The following TMCC2 variants were observed in gnomAD, a reference collection of about 807,000 sequenced individuals.
TMCC2 encodes the protein transmembrane and coiled-coil domains protein 2.
Under a neutral mutation model 49.4 loss-of-function variants are expected in TMCC2, and 16 were observed. The ratio of observed to expected loss-of-function variants is 0.32; its 90% confidence interval spans 0.22 to 0.49. TMCC2 has a LOEUF of 0.49. Ranked by LOEUF, TMCC2 falls within the 20% of genes least tolerant of loss-of-function variation. The pLI, the probability that TMCC2 is intolerant of heterozygous loss-of-function variation, is 0.99. For missense variants in TMCC2, 762 were observed against 989.8 expected, an observed-to-expected ratio of 0.77 and a Z score of 3.09; for synonymous variants, 397 against 434.1, an observed-to-expected ratio of 0.91 and a Z score of 1.06.
In TMCC2 at chr1:205,264,038, G is replaced by T. The variant is rs1378454014; in HGVS notation, c.748-4912G>T. ...TGGAAATAATAGTGCTACCCATCTTGTGAGGTTAATACTGGGATTAAATGA... is the reference window on the plus strand; with the variant it reads ...TGGAAATAATAGTGCTACCCATCTTTTGAGGTTAATACTGGGATTAAATGA... On this transcript the variant is annotated intron_variant, in intron 2 of 4. Transcript: ENST00000358024. The surrounding 1 kb of genome is among the most constrained non-coding windows in gnomAD (Gnocchi z 4.2). 6.6e-6 allele frequency among the ~76,000 whole-genome samples: 1 copy of T among 152,230 alleles called. No homozygotes were observed. The highest frequency in any genetic ancestry group is 1.5e-5 in the Non-Finnish European group (1 of 68,050).
At chr1:205,252,464 G>C (rs939388984) in intron 2 of TMCC2, among the ~76,000 whole-genome samples, 3 of 152,154 alleles carry the variant, frequency 2.0e-5, no homozygotes, top group African/African-American at 7.2e-5. Flanking sequence ...CCTTCCTCTC[G>C]CATTTCCCTG....
intron 2 of TMCC2, among the ~76,000 whole-genome samples, chr1:205,251,643 T>G (rs772730909): frequency 2.0e-5 from 3 of 152,226 alleles, no homozygotes; most frequent in Non-Finnish European, 4.4e-5. Flanking sequence ...GTATAAGGTT[T>G]CTTCATTGCC....
chr1:205,253,093 C>T (rs1185693406), intron 2 of TMCC2, among the ~76,000 whole-genome samples: 1 of 151,976 alleles, frequency 6.6e-6, no homozygotes, highest in Non-Finnish European at 1.5e-5. Context: ...CATGATCACA[C>T]CACTGCACTC....
At chr1:205,254,982 C>T (rs950901302) in intron 2 of TMCC2, among the ~76,000 whole-genome samples, 4 of 152,102 alleles carry the variant, frequency 2.6e-5, no homozygotes, top group Non-Finnish European at 5.9e-5. Context: ...GAGGCCAAGG[C>T]AGGTGGATCG....
intron 1 of TMCC2, among the ~76,000 whole-genome samples, chr1:205,234,490 T>C (rs576124749): frequency 6.6e-6 from 1 of 152,082 alleles, no homozygotes; most frequent in African/African-American, 2.4e-5. Flanking sequence ...AATGGGAAAT[T>C]AGTTATTTGG....
intron 2 of TMCC2, among the ~76,000 whole-genome samples, chr1:205,245,525 A>T (rs1260171256): frequency 6.6e-6 from 1 of 152,228 alleles, no homozygotes; most frequent in African/African-American, 2.4e-5. Context: ...ACCTTAGATG[A>T]TCACCAGAGC....
chr1:205,259,003 T>C (rs1041028968), intron 2 of TMCC2, among the ~76,000 whole-genome samples: 6 of 152,156 alleles, frequency 3.9e-5, no homozygotes, highest in Non-Finnish European at 4.4e-5. Flanking sequence ...GGGGCCGCAC[T>C]CGCCTGCTGG....
chr1:205,228,578 G>A lies in TMCC2; in HGVS notation c.14G>A (p.Arg5Lys), dbSNP rs1553370438. 1.8e-5 allele frequency: 29 copies of A among 1,610,558 alleles called. No homozygotes were observed. The East Asian group carries it at 6.5e-4, about 36-fold the overall frequency. MKRC[R>K]SDELQQQQGE... ...CCCACATACACCATGAAGAGGTGCAGATCGGACGAGCTGCAGCAACAACAG... is the reference window on the plus strand; with the variant it reads ...CCCACATACACCATGAAGAGGTGCAAATCGGACGAGCTGCAGCAACAACAG... Residue 5 changes from arginine (R) to lysine (K), a missense_variant, in exon 1 of 5, where the codon AGA (arginine) becomes AAA (lysine). By Grantham distance (26) the Arg-to-Lys change is conservative. This residue lies in a region of TMCC2 where 322 missense variants were observed against 353.1 expected (regional missense o/e 0.91). Coordinates refer to ENST00000358024, the MANE Select transcript of TMCC2 (RefSeq NM_014858.4).
At chr1:205,268,913 G>A (rs1272629671) in intron 2 of TMCC2, 37 bp from the exon 3 acceptor site, 5 of 1,601,724 alleles carry the variant, frequency 3.1e-6, no homozygotes, top group South Asian at 1.1e-5. Context: ...TGGTCCCAGG[G>A]TTTACCCATG....
At position 205,271,828 on chromosome 1, in the gene TMCC2, T is replaced by A. The variant is rs1436854664; in HGVS notation, c.1834T>A (p.Cys612Ser). 1 of 1,611,720 alleles carries A rather than the reference T, an allele frequency of 6.2e-7. No homozygotes were observed. The highest frequency in any genetic ancestry group is 8.5e-7 in the Non-Finnish European group (1 of 1,179,928). The change falls in exon 5 of 5, where the codon TGC becomes AGC. Residue 612 changes from cysteine (C) to serine (S), a missense_variant. By Grantham distance (112) the Cys-to-Ser change is moderately radical (BLOSUM62 -1). Coordinates refer to ENST00000358024, the MANE Select transcript of TMCC2 (RefSeq NM_014858.4). ...GCCCCTGCAGGAGGCCGTGGAGTCC[T>A]GCCTGACCCGGGTCACCAAGCTGGA... ...ARDIQEAVES[C>S]LTRVTKLELQ...
intron 2 of TMCC2, among the ~76,000 whole-genome samples, chr1:205,246,235 A>C (rs2102555357): frequency 6.8e-6 from 1 of 146,830 alleles, no homozygotes; most frequent in South Asian, 2.2e-4. Context: ...GCCAGAAAGA[A>C]GAAATGGTCA....
chr1:205,262,588 T>C (rs919303431), intron 2 of TMCC2, among the ~76,000 whole-genome samples: 4 of 152,074 alleles, frequency 2.6e-5, no homozygotes, highest in Non-Finnish European at 4.4e-5. Context: ...ACATGCAGGG[T>C]GTTTCCCTTG....
chr1:205,251,259 G>A (rs1022599635), intron 2 of TMCC2, among the ~76,000 whole-genome samples: 4 of 152,160 alleles, frequency 2.6e-5, no homozygotes, highest in African/African-American at 4.8e-5. Flanking sequence ...CATTTCTGGG[G>A]ACAGCCTTTT....
At chr1:205,251,129 G>A (rs1260540436) in intron 2 of TMCC2, among the ~76,000 whole-genome samples, 4 of 152,178 alleles carry the variant, frequency 2.6e-5, no homozygotes, top group Non-Finnish European at 4.4e-5. Context: ...AGAGCAGAGG[G>A]CGCTGAAATA....
intron 2 of TMCC2, among the ~76,000 whole-genome samples, chr1:205,252,941 T>C (rs1005064060): frequency 6.6e-6 from 1 of 151,364 alleles, no homozygotes; most frequent in Non-Finnish European, 1.5e-5. Flanking sequence ...GGCAACATAG[T>C]GAGACCTTGT....
intron 1 of TMCC2, among the ~76,000 whole-genome samples, chr1:205,231,757 C>T (rs916673510): frequency 6.9e-6 from 1 of 144,804 alleles, no homozygotes; most frequent in Admixed American, 7.2e-5. Context: ...TTTTAATGCT[C>T]CCCTACCTCA....
At chr1:205,265,553 AT>A (rs1661287233) in intron 2 of TMCC2, among the ~76,000 whole-genome samples, 1 of 141,938 alleles carries the variant, frequency 7.0e-6, no homozygotes, top group South Asian at 2.2e-4. Flanking sequence ...CTCAGAACCC[AT>A]TTTCTTTTCT....
rs781646542 is a variant in TMCC2 at position 205,271,245 on chromosome 1, G to A, written c.1808G>A (p.Arg603Gln). The A allele has an allele frequency of 3.1e-6, 5 of 1,614,016 alleles. No individual in the cohort carries two copies. The highest frequency in any genetic ancestry group is 1.3e-5 in the African/African-American group (1 of 74,948). Reference sequence around the variant, plus strand: ...GCCTACCAGTCCTATGAGAGGGCACGGGACATCCAGGTATGGCCAGGGCAA... The same window carrying A: ...GCCTACCAGTCCTATGAGAGGGCACAGGACATCCAGGTATGGCCAGGGCAA... Reference protein sequence around the residue: ...KVAYQSYERARDIQEAVESCL... With the variant: ...KVAYQSYERAQDIQEAVESCL... The change falls in exon 4 of 5, where the codon CGG becomes CAG. Residue 603 changes from arginine (R) to glutamine (Q), a missense_variant. Coordinates refer to ENST00000358024, the MANE Select transcript of TMCC2 (RefSeq NM_014858.4).
At chr1:205,243,043 G>A (rs1660330799) in intron 2 of TMCC2, among the ~76,000 whole-genome samples, 1 of 152,202 alleles carries the variant, frequency 6.6e-6, no homozygotes, top group South Asian at 2.1e-4. Context: ...ATCAAAGGGT[G>A]CTAGGCAGGA....
Sources: gnomAD v4.1 joint callset for allele counts (sites outside exome capture counted in the v4.1 genomes callset) on GRCh38, gnomAD v4.1.1 for gene constraint, gnomAD v4.1.1 regional missense constraint, Gnocchi (gnomAD v3.1) non-coding constraint, MANE v1.5 for transcripts, NCBI Gene and HGNC (gene_info 2026-07-23, HGNC 2026-07-21) for gene names.